TMEM52B: variants seen among roughly 807,000 people sequenced by gnomAD.
TMEM52B encodes chromosome 12 open reading frame 59.
In TMEM52B, 11 loss-of-function variants were observed where a neutral mutation model predicts 16.1. That is an observed-to-expected ratio of 0.68 (90% CI 0.43 to 1.13). The LOEUF (loss-of-function observed/expected upper bound fraction) is 1.13, where lower values mean the gene tolerates loss of function less well. Among genes scored for constraint, TMEM52B ranks in the 50% most tolerant of loss-of-function variants. The probability of loss-of-function intolerance (pLI) is 0.00; values close to 1 mark genes in which losing one functional copy is unlikely to be tolerated. For synonymous variants in TMEM52B, 101 were observed against 93.8 expected (o/e 1.08, Z -0.45); for missense variants, 243 against 230.4 (o/e 1.05, Z -0.35).
intron 4 of TMEM52B, among the ~76,000 whole-genome samples, chr12:10,187,373 T>C (rs1948893264): frequency 6.6e-6 from 1 of 151,584 alleles, no homozygotes; most frequent in Non-Finnish European, 1.5e-5. Context: ...GGGCTGGGAT[T>C]ACAGGCGTGA....
At chr12:10,175,777 A>C (rs2137536352), upstream of TMEM52B, among the ~76,000 whole-genome samples, 3 of 152,340 alleles carry the variant, frequency 2.0e-5, 1 homozygote, top group Middle Eastern at 0.01. Flanking sequence ...CTGTGGCCCT[A>C]CCCACTGACT....
Position 10,179,274 on chromosome 12 carries a change from T to C in TMEM52B, c.-301T>C, listed in dbSNP as rs1948794751. On this transcript the variant is annotated 5_prime_UTR_variant, in exon 1 of 5. An upstream open reading frame in the 5' UTR loses its in-frame stop. Transcript: ENST00000543484. ...AGTAGGAGAAAGAAACTTCAAGATG[T>C]AGAAAGAATTAATAGTGTAACGGAA... The C allele has an allele frequency of 5.7e-6, 2 of 353,336 alleles. No individual in the cohort carries two copies. The highest frequency in any genetic ancestry group is 1.1e-5 in the Non-Finnish European group (2 of 188,958). The allele number at this position is 353,336 out of a possible 1,614,324, so 21.9% of individuals were successfully genotyped here.
chr12:10,170,972 A>G (rs928295020), intron 1 of TMEM52B: 5 of 152,132 alleles, frequency 3.3e-5, no homozygotes, highest in Admixed American at 2.0e-4. Context: ...GATTCTTTGC[A>G]GTAGGTACCG....
At chr12:10,185,859 T>C (rs187551606) in intron 3 of TMEM52B, among the ~76,000 whole-genome samples, 1 of 152,252 alleles carries the variant, frequency 6.6e-6, no homozygotes. Flanking sequence ...CTGACCAACC[T>C]GGAGAAACTC....
chr12:10,182,026 A>T, intron 1 of TMEM52B: 1 of 841,388 alleles, frequency 1.2e-6, no homozygotes, highest in Non-Finnish European at 1.4e-6. Context: ...GACTCAAAAA[A>T]AAAAAAAAAA....
At position 10,179,485 on chromosome 12, in the gene TMEM52B, C is replaced by A; in HGVS notation, c.-90C>A. The A allele has an allele frequency of 7.1e-7, 1 of 1,405,152 alleles. No homozygotes were observed. Among genetic ancestry groups the A allele is most frequent in the Non-Finnish European group, 1.0e-6 (1 of 991,242 alleles). The allele number at this position is 1,405,152 out of a possible 1,614,324, so 87.0% of individuals were successfully genotyped here. ...AGAAAAGTTTCTCTTCTTAAGAATT[C>A]TAGGTCAAGAAGTAAAATATGGCAC... On this transcript the variant is annotated 5_prime_UTR_variant, in exon 1 of 5. Coordinates refer to ENST00000543484, the MANE Select transcript of TMEM52B (RefSeq NM_001384896.1).
upstream of TMEM52B, chr12:10,178,908 G>T (rs896672524): frequency 5.3e-5 from 8 of 152,186 alleles, no homozygotes; most frequent in Non-Finnish European, 1.2e-4. Context: ...CAACCTCTCA[G>T]TCTTACCCCA....
upstream of TMEM52B, among the ~76,000 whole-genome samples, chr12:10,174,154 G>A (rs1167360750): frequency 6.6e-6 from 1 of 152,112 alleles, no homozygotes; most frequent in Admixed American, 6.6e-5. Flanking sequence ...TCCGCCTCCT[G>A]GGTTCAAGCA....
In TMEM52B at chr12:10,190,224, A is replaced by C; in HGVS notation, c.*84A>C. On this transcript the variant is annotated 3_prime_UTR_variant, in exon 5 of 5. Transcript: ENST00000543484. Reference sequence around the variant, plus strand: ...GAACACATACTTTTCTAACCCTCAGAAGTTTTAAGATGGCATCTAACACCA... The same window carrying C: ...GAACACATACTTTTCTAACCCTCAGCAGTTTTAAGATGGCATCTAACACCA... 1 of 1,556,626 alleles carries C rather than the reference A, an allele frequency of 6.4e-7. No homozygotes were observed.
At chr12:10,181,250 C>T (rs967609496) in intron 1 of TMEM52B, among the ~76,000 whole-genome samples, 1 of 152,064 alleles carries the variant, frequency 6.6e-6, no homozygotes, top group African/African-American at 2.4e-5. Flanking sequence ...CAAACTTGTC[C>T]CCAGTGCTAT....
intron 1 of TMEM52B, chr12:10,182,247 A>T: frequency 1.0e-6 from 1 of 985,262 alleles, no homozygotes; most frequent in Non-Finnish European, 1.2e-6. Flanking sequence ...GGACAGAGAG[A>T]TCAGGAATTT....
chr12:10,171,136 A>G (rs1401764820), intron 1 of TMEM52B, among the ~76,000 whole-genome samples: 3 of 152,216 alleles, frequency 2.0e-5, no homozygotes, highest in African/African-American at 7.2e-5. Flanking sequence ...TTTTATAGCA[A>G]TTTAGTTCAT....
intron 1 of TMEM52B, among the ~76,000 whole-genome samples, chr12:10,180,886 A>G (rs1012141554): frequency 1.3e-5 from 2 of 152,002 alleles, no homozygotes; most frequent in African/African-American, 2.4e-5. Context: ...GCTGACTGCA[A>G]CCTCCGCCTC....
chr12:10,180,336 T>C (rs1948808622), intron 1 of TMEM52B, among the ~76,000 whole-genome samples: 1 of 151,974 alleles, frequency 6.6e-6, no homozygotes. Flanking sequence ...CATTTTTTCT[T>C]ATATTTTCTT....
chr12:10,172,008 CT>C (rs747703868), intron 1 of TMEM52B: 38 of 1,612,462 alleles, frequency 2.4e-5, no homozygotes, highest in Non-Finnish European at 3.1e-5. Flanking sequence ...GTACCTTTAG[CT>C]TTTTTTCCAT....
intron 1 of TMEM52B, 32 bp downstream of exon 1, chr12:10,179,660 AT>A: frequency 1.2e-6 from 2 of 1,613,382 alleles, no homozygotes; most frequent in Non-Finnish European, 1.7e-6. Context: ...CAGAAAGAGT[AT>A]TTTTCCCCAG....
chr12:10,171,608 G>A (rs1284871738), intron 1 of TMEM52B, among the ~76,000 whole-genome samples: 1 of 152,142 alleles, frequency 6.6e-6, no homozygotes, highest in Admixed American at 6.5e-5. Context: ...CTGGATAAAT[G>A]GGAGTTTGTG....
chr12:10,176,105 C>T (rs1023490686), upstream of TMEM52B, among the ~76,000 whole-genome samples: 2 of 152,172 alleles, frequency 1.3e-5, no homozygotes, highest in African/African-American at 4.8e-5. Context: ...GAGACCATTT[C>T]CCTCTATCCC....
intron 1 of TMEM52B, among the ~76,000 whole-genome samples, chr12:10,171,083 T>C (rs1188413097): frequency 1.3e-5 from 2 of 152,222 alleles, no homozygotes; most frequent in Admixed American, 6.5e-5. Flanking sequence ...AAGAAACGAA[T>C]GACTATTGTT....
Sources: allele counts gnomAD v4.1 joint callset (sites outside exome capture counted in the v4.1 genomes callset), GRCh38; gene constraint gnomAD v4.1.1; transcripts MANE v1.5; gene names NCBI Gene and HGNC (gene_info 2026-07-23, HGNC 2026-07-21).